Variants in SLCO2B1 observed in about 807,000 individuals in gnomAD.
SLCO2B1 encodes OATP-RP2.
In SLCO2B1, 41 loss-of-function variants were observed where a neutral mutation model predicts 67.3. The ratio of observed to expected loss-of-function variants is 0.61; its 90% confidence interval spans 0.47 to 0.79. The LOEUF is 0.79. SLCO2B1 is among the 30% of genes least tolerant of loss of function. The pLI, the probability that SLCO2B1 is intolerant of heterozygous loss-of-function variation, is 0.00. For missense variants in SLCO2B1, 837 were observed against 920.1 expected (o/e 0.91, Z 1.17); for synonymous variants, 379 against 381.4 (o/e 0.99, Z 0.07).
intron 10 of SLCO2B1, 108 bp from the exon 11 acceptor site, chr11:75,200,116 A>G (rs11236372): frequency 9.9e-5 from 119 of 1,197,836 alleles, no homozygotes; most frequent in East Asian, 1.7e-4. Flanking sequence ...CTCTACCCCA[A>G]CTGGCTGTGG....
chr11:75,202,768 T>C, intron 11 of SLCO2B1, 133 bp from the exon 12 acceptor site: 3 of 792,714 alleles, frequency 3.8e-6, no homozygotes, highest in East Asian at 4.9e-5. Context: ...CCAGCCTAGA[T>C]CATCAGATGG....
intron 6 of SLCO2B1, among the ~76,000 whole-genome samples, chr11:75,171,240 G>A (rs1949956972): frequency 6.6e-6 from 1 of 152,134 alleles, no homozygotes; most frequent in Non-Finnish European, 1.5e-5. Context: ...TGTGTGTGGG[G>A]TTGGTACATC....
intron 7 of SLCO2B1, among the ~76,000 whole-genome samples, chr11:75,174,996 C>T (rs1232403122): frequency 6.6e-6 from 1 of 152,120 alleles, no homozygotes; most frequent in Non-Finnish European, 1.5e-5. Flanking sequence ...TGCACGAGTC[C>T]TTGAGTCGGA....
chr11:75,195,410 C>A (rs1945084702), intron 9 of SLCO2B1, among the ~76,000 whole-genome samples: 1 of 152,042 alleles, frequency 6.6e-6, no homozygotes, highest in Non-Finnish European at 1.5e-5. Context: ...CAGACACACA[C>A]AAGCACTGTC....
chr11:75,200,061 C>A, intron 10 of SLCO2B1, 163 bp from the exon 11 acceptor site: 1 of 647,846 alleles, frequency 1.5e-6, no homozygotes, highest in Non-Finnish European at 2.6e-6. Context: ...CTCCTCAAGC[C>A]GTCTTTGCTC....
chr11:75,194,961 T>C (rs968722043), intron 9 of SLCO2B1, among the ~76,000 whole-genome samples: 1 of 152,178 alleles, frequency 6.6e-6, no homozygotes, highest in Non-Finnish European at 1.5e-5. Flanking sequence ...AGAAGAACTT[T>C]CCATATTTCT....
Position 75,193,208 on chromosome 11 carries a change from G to T in SLCO2B1, c.1076-10G>T. ...CCTGCCTGCCCTGACCTCTGCACTC[G>T]CCCCCACAGTCTTCCCCAGGGTGCT... On this transcript the variant is annotated splice_polypyrimidine_tract_variant and intron_variant, in intron 8 of 13. Transcript: ENST00000289575. This position sits in a 1 kb window ranked among gnomAD's most constrained non-coding sequence, Gnocchi z 4.2. 2.5e-6 allele frequency: 4 copies of T among 1,595,476 alleles called. No homozygotes were observed. The highest frequency in any genetic ancestry group is 3.4e-6 in the Non-Finnish European group (4 of 1,169,838).
intron 1 of SLCO2B1, among the ~76,000 whole-genome samples, chr11:75,162,220 C>A (rs539241381): frequency 1.2e-3 from 176 of 152,332 alleles, no homozygotes; most frequent in Non-Finnish European, 1.9e-3. Context: ...TGATCCTAGA[C>A]TGAGCCAGAC....
At chr11:75,175,196 G>C (rs1188120114) in intron 7 of SLCO2B1, among the ~76,000 whole-genome samples, 1 of 152,180 alleles carries the variant, frequency 6.6e-6, no homozygotes, top group Non-Finnish European at 1.5e-5. Context: ...ATGATGATCT[G>C]CTTCCAGCAG....
chr11:75,186,491 G>A (rs947395758), intron 7 of SLCO2B1, among the ~76,000 whole-genome samples: 1 of 151,780 alleles, frequency 6.6e-6, no homozygotes, highest in African/African-American at 2.4e-5. Flanking sequence ...TTACAGGTGT[G>A]AGCCGCCACG....
At chr11:75,157,207 T>A (rs111609008) in intron 1 of SLCO2B1, 1 of 152,236 alleles carries the variant, frequency 6.6e-6, no homozygotes, top group Non-Finnish European at 1.5e-5. Context: ...GGCTGATCCA[T>A]CTTTCAGGAA....
At chr11:75,155,919 G>A (rs61115239) in intron 1 of SLCO2B1, among the ~76,000 whole-genome samples, 7,368 of 152,164 alleles carry the variant, frequency 0.048, 237 homozygotes, top group African/African-American at 0.09. Context: ...TCACTAGGGT[G>A]GGGGGTACGT....
intron 3 of SLCO2B1, among the ~76,000 whole-genome samples, chr11:75,164,944 A>T (rs568603447): frequency 6.6e-6 from 1 of 152,196 alleles, no homozygotes; most frequent in East Asian, 1.9e-4. Context: ...AGGGTCAGCC[A>T]TCCCCTGGCT....
intron 7 of SLCO2B1, among the ~76,000 whole-genome samples, chr11:75,180,837 T>C (rs369014466): frequency 6.3e-4 from 96 of 152,318 alleles, no homozygotes; most frequent in African/African-American, 2.2e-3. Flanking sequence ...GGGACTTGGG[T>C]AACAGAGATT....
At chr11:75,161,047 A>G (rs1026288873) in intron 1 of SLCO2B1, among the ~76,000 whole-genome samples, 2 of 152,226 alleles carry the variant, frequency 1.3e-5, no homozygotes, top group African/African-American at 4.8e-5. Context: ...GCATTATTGT[A>G]TATGAACATA....
chr11:75,162,537 C>T, intron 1 of SLCO2B1, 118 bp from the exon 2 acceptor site: 3 of 1,084,556 alleles, frequency 2.8e-6, no homozygotes, highest in Non-Finnish European at 4.0e-6. Context: ...TTCTCATCAA[C>T]CACTAAGAAC....
chr11:75,168,612 T>C (rs1200495494), intron 4 of SLCO2B1, among the ~76,000 whole-genome samples: 1 of 152,132 alleles, frequency 6.6e-6, no homozygotes, highest in African/African-American at 2.4e-5. Context: ...CCCAGGGCCC[T>C]CCACAATCCA....
intron 1 of SLCO2B1, among the ~76,000 whole-genome samples, chr11:75,153,432 T>C (rs1422800419): frequency 5.3e-5 from 8 of 152,148 alleles, no homozygotes; most frequent in Non-Finnish European, 1.2e-4. Flanking sequence ...GAAATGTCCT[T>C]CCCCTTTTCA....
chr11:75,154,216 G>T (rs1297133662), intron 1 of SLCO2B1, among the ~76,000 whole-genome samples: 1 of 150,624 alleles, frequency 6.6e-6, no homozygotes, highest in African/African-American at 2.4e-5. Context: ...GAACCACCGC[G>T]CCTGACCATG....
Sources: allele counts gnomAD v4.1 joint callset (sites outside exome capture counted in the v4.1 genomes callset), GRCh38; gene constraint gnomAD v4.1.1; non-coding constraint Gnocchi (gnomAD v3.1); transcripts MANE v1.5; gene names NCBI Gene and HGNC (gene_info 2026-07-23, HGNC 2026-07-21).